The following NOP9 variants were observed in gnomAD, a reference collection of about 807,000 sequenced individuals.
NOP9 encodes nucleolar protein 9.
A neutral mutation model predicts 63.0 loss-of-function variants in NOP9; 50 were observed. That is an observed-to-expected ratio of 0.79 (90% CI 0.63 to 1.00). The LOEUF is 1.00. Among genes scored for constraint, NOP9 ranks in the 50% least tolerant of loss-of-function variants. NOP9 has a pLI of 0.00. For missense variants in NOP9, 758 were observed against 803.0 expected (o/e 0.94, Z 0.68); for synonymous variants, 343 against 332.8 (o/e 1.03, Z -0.33).
chr14:24,283,138 A>G, the NOP9 span, among the ~76,000 whole-genome samples: 2 of 152,224 alleles, frequency 1.3e-5, no homozygotes, highest in African/African-American at 4.8e-5. Flanking sequence ...TGCTGTCTTG[A>G]GAAAGCTCAG....
In NOP9 at chr14:24,307,289, T is replaced by G. The variant is rs2041540896; in HGVS notation, c.*2194T>G. 24 of 1,463,412 alleles carry G rather than the reference T, an allele frequency of 1.6e-5. No individual in the cohort carries two copies. The highest frequency in any genetic ancestry group is 2.2e-5 in the Non-Finnish European group (24 of 1,070,206). 90.7% of individuals were successfully genotyped at this position (1,463,412 alleles called of 1,614,324 possible). A position where few individuals can be genotyped will look rare whatever the true frequency, so the allele number is the denominator to read the frequency against. Reference sequence around the variant, plus strand: ...GGGCAGCTGTGTGACTTCAGCCCTCTGCTCCATCATCACAAGTTGCCACTG... The same window carrying G: ...GGGCAGCTGTGTGACTTCAGCCCTCGGCTCCATCATCACAAGTTGCCACTG... On this transcript the variant is annotated 3_prime_UTR_variant, in exon 10 of 10. Coordinates refer to ENST00000267425, the MANE Select transcript of NOP9 (RefSeq NM_174913.3).
At chr14:24,292,095 C>G in the NOP9 span, 6 of 1,525,060 alleles carry the variant, frequency 3.9e-6, no homozygotes, top group African/African-American at 1.4e-5. Flanking sequence ...ACAGTAAGCA[C>G]CTGGTGAGTG....
chr14:24,299,592 G>A (rs2041327781), upstream of NOP9: 2 of 260,702 alleles, frequency 7.7e-6, no homozygotes, highest in Non-Finnish European at 7.3e-6. Flanking sequence ...TGCCACCTGC[G>A]CTGCCGCTGA....
At chr14:24,303,899 C>T in intron 7 of NOP9, 42 bp downstream of exon 7, 1 of 1,607,538 alleles carries the variant, frequency 6.2e-7, no homozygotes, top group Non-Finnish European at 8.5e-7. Flanking sequence ...AATTGGGAGT[C>T]AGGCCTCCCA....
At chr14:24,273,096 G>T in the NOP9 span, among the ~76,000 whole-genome samples, 2 of 152,088 alleles carry the variant, frequency 1.3e-5, no homozygotes, top group African/African-American at 4.8e-5. Context: ...GTACACGTGT[G>T]TGATGTCTTT....
intron 5 of NOP9, 46 bp downstream of exon 5, chr14:24,302,470 C>A: frequency 1.3e-6 from 2 of 1,540,674 alleles, no homozygotes; most frequent in Non-Finnish European, 1.8e-6. Flanking sequence ...AATTCTTGAT[C>A]ACTGGACCTT....
chr14:24,299,667 G>T (rs2139110232), upstream of NOP9: 1 of 375,376 alleles, frequency 2.7e-6, no homozygotes, highest in East Asian at 4.0e-5. Context: ...CGGCGACGTG[G>T]AGGCAGTGTT....
At chr14:24,289,967 T>A in the NOP9 span, among the ~76,000 whole-genome samples, 1 of 152,248 alleles carries the variant, frequency 6.6e-6, no homozygotes, top group Non-Finnish European at 1.5e-5. Context: ...TGATTTATGT[T>A]TCTCTGATTT....
chr14:24,302,501 C>T (rs1594620187), intron 5 of NOP9, 77 bp downstream of exon 5: 1 of 1,368,050 alleles, frequency 7.3e-7, no homozygotes. Context: ...CTGTCTGCCT[C>T]TATATACCTT....
At chr14:24,296,840 A>G, upstream of NOP9, 1 of 1,614,258 alleles carries the variant, frequency 6.2e-7, no homozygotes, top group Non-Finnish European at 8.5e-7. Context: ...CCTGGCTTGA[A>G]TCGCACACCA....
chr14:24,301,898 A>C, intron 3 of NOP9, 67 bp from the exon 4 acceptor site: 1 of 1,551,912 alleles, frequency 6.4e-7, no homozygotes, highest in East Asian at 2.3e-5. Context: ...TTGTTGCCTA[A>C]AGTTTGAGGT....
At chr14:24,292,525 G>A in the NOP9 span, 3 of 1,548,594 alleles carry the variant, frequency 1.9e-6, no homozygotes, top group Non-Finnish European at 2.7e-6. Context: ...ACTGTCCATG[G>A]ATGAGGCAGA....
the NOP9 span, among the ~76,000 whole-genome samples, chr14:24,281,202 C>T: frequency 4.6e-5 from 7 of 152,132 alleles, no homozygotes; most frequent in East Asian, 9.6e-4. Context: ...GGCCCCTGAG[C>T]GGGGGTTTTG....
chr14:24,303,497 C>T (rs1323543661), intron 6 of NOP9, among the ~76,000 whole-genome samples: 1 of 151,818 alleles, frequency 6.6e-6, no homozygotes, highest in Non-Finnish European at 1.5e-5. Context: ...ATTTCACAGT[C>T]CTGGAACAAA....
chr14:24,298,713 G>T, upstream of NOP9: 1 of 437,974 alleles, frequency 2.3e-6, no homozygotes, highest in Non-Finnish European at 4.1e-6. Flanking sequence ...AGTAGCTGCT[G>T]GGACTGCAGG....
At chr14:24,304,886 A>G in intron 9 of NOP9, 52 bp from the exon 10 acceptor site, 2 of 1,484,166 alleles carry the variant, frequency 1.3e-6, no homozygotes. Context: ...TACGTCAAGT[A>G]GAGTCTGTCT....
At chr14:24,276,889 T>C in the NOP9 span, among the ~76,000 whole-genome samples, 1 of 152,212 alleles carries the variant, frequency 6.6e-6, no homozygotes, top group Non-Finnish European at 1.5e-5. Flanking sequence ...TCCTCCTATT[T>C]TAAAACTCTC....
chr14:24,301,854 G>A, intron 3 of NOP9, 111 bp from the exon 4 acceptor site: 1 of 1,449,626 alleles, frequency 6.9e-7, no homozygotes. Context: ...AGAGCACTTT[G>A]TATAGTCCCT....
chr14:24,304,102 A>G lies in NOP9; in HGVS notation c.1472A>G (p.Gln491Arg). Reference sequence around the variant, plus strand: ...ACAGTCCTTGGGTCTCTACTGCTCCAGCATCTGCTGCACTTCTCCACTCCT... The same window carrying G: ...ACAGTCCTTGGGTCTCTACTGCTCCGGCATCTGCTGCACTTCTCCACTCCT... The part of the protein sequence containing the change: ...DVTVLGSLLL[Q>R]HLLHFSTPGL... Residue 491 changes from glutamine (Q) to arginine (R), a missense_variant, in exon 8 of 10, where the codon CAG (glutamine) becomes CGG (arginine). By Grantham distance (43) the Gln-to-Arg change is conservative. Coordinates refer to ENST00000267425, the MANE Select transcript of NOP9 (RefSeq NM_174913.3). 1.9e-6 allele frequency: 3 copies of G among 1,614,232 alleles called. No individual in the cohort carries two copies. The highest frequency in any genetic ancestry group is 2.5e-6 in the Non-Finnish European group (3 of 1,180,032).
Sources: gnomAD v4.1 joint callset for allele counts (sites outside exome capture counted in the v4.1 genomes callset) on GRCh38, gnomAD v4.1.1 for gene constraint, MANE v1.5 for transcripts, NCBI Gene and HGNC (gene_info 2026-07-23, HGNC 2026-07-21) for gene names.